The following RANBP2 variants were observed in gnomAD, a reference collection of about 807,000 sequenced individuals.
RANBP2 encodes the protein RAN binding protein 2, also known as E3 SUMO-protein ligase RanBP2.
In RANBP2, 57 loss-of-function variants were observed where a neutral mutation model predicts 303.6. The observed-to-expected ratio is 0.19, with a 90% CI of 0.15 to 0.23. The LOEUF (loss-of-function observed/expected upper bound fraction) is 0.23. Ranked by LOEUF, RANBP2 falls within the 10% of genes least tolerant of loss-of-function variation. RANBP2 has a pLI of 1.00. For missense variants in RANBP2, 3,138 were observed against 3,780.8 expected, an observed-to-expected ratio of 0.83 and a Z score of 4.46; for synonymous variants, 1,167 against 1,301.5, an observed-to-expected ratio of 0.90 and a Z score of 2.23.
the RANBP2 span, among the ~76,000 whole-genome samples, chr2:109,003,416 C>A: frequency 2.1e-5 from 3 of 144,556 alleles, no homozygotes; most frequent in African/African-American, 5.0e-5. Flanking sequence ...TTTTTTTCTT[C>A]TTTTTTTTTT....
chr2:108,872,302 A>C, the RANBP2 span, among the ~76,000 whole-genome samples: 2 of 152,082 alleles, frequency 1.3e-5, no homozygotes, highest in Admixed American at 6.5e-5. Flanking sequence ...GAATACATTC[A>C]TTCCATCCCA....
the RANBP2 span, among the ~76,000 whole-genome samples, chr2:108,988,227 G>C: frequency 2.6e-5 from 4 of 152,212 alleles, no homozygotes; most frequent in Non-Finnish European, 5.9e-5. Flanking sequence ...CTCGCCTGCT[G>C]ACCTCCCTGC....
At chr2:109,472,558 C>T in the RANBP2 span, among the ~76,000 whole-genome samples, 79 of 152,288 alleles carry the variant, frequency 5.2e-4, no homozygotes, top group South Asian at 0.015. Context: ...ATTGATGAAC[C>T]GACCTGCGGC....
the RANBP2 span, among the ~76,000 whole-genome samples, chr2:109,157,957 C>T: frequency 3.3e-5 from 5 of 152,246 alleles, no homozygotes; most frequent in African/African-American, 7.2e-5. Flanking sequence ...TGTTTAGTGA[C>T]GAGGGAGTAC....
chr2:109,430,680 G>A, the RANBP2 span, among the ~76,000 whole-genome samples: 6 of 152,180 alleles, frequency 3.9e-5, no homozygotes, highest in African/African-American at 9.7e-5. Context: ...TTTCCTCTAT[G>A]GTGATGGGAA....
At chr2:109,662,090 T>C in the RANBP2 span, among the ~76,000 whole-genome samples, 1 of 152,162 alleles carries the variant, frequency 6.6e-6, no homozygotes, top group Admixed American at 6.5e-5. Context: ...CAAACACCCA[T>C]TTCTGCCACA....
the RANBP2 span, chr2:109,615,822 G>A: frequency 1.9e-6 from 3 of 1,614,134 alleles, no homozygotes; most frequent in South Asian, 3.3e-5. Flanking sequence ...TCACCACTCG[G>A]CTGAGGGGTG....
the RANBP2 span, among the ~76,000 whole-genome samples, chr2:109,590,742 T>C: frequency 5.3e-5 from 8 of 152,268 alleles, no homozygotes; most frequent in South Asian, 2.1e-4. Context: ...AGGTAAATCC[T>C]TAACAGGGCC....
At chr2:108,929,593 G>C in the RANBP2 span, among the ~76,000 whole-genome samples, 1 of 152,190 alleles carries the variant, frequency 6.6e-6, no homozygotes, top group Non-Finnish European at 1.5e-5. Flanking sequence ...GGCTCCAGAT[G>C]CTGCCCCTTT....
the RANBP2 span, chr2:108,906,308 C>G: frequency 2.5e-6 from 4 of 1,613,740 alleles, no homozygotes; most frequent in Non-Finnish European, 3.4e-6. Flanking sequence ...TTCAGCTTAC[C>G]TTCCACGACT....
the RANBP2 span, among the ~76,000 whole-genome samples, chr2:109,207,036 G>A: frequency 6.6e-6 from 1 of 152,172 alleles, no homozygotes. Flanking sequence ...CAGGGCCTGA[G>A]GCAGAACCTG....
At chr2:109,194,033 G>T in the RANBP2 span, among the ~76,000 whole-genome samples, 32 of 152,102 alleles carry the variant, frequency 2.1e-4, no homozygotes, top group Non-Finnish European at 3.2e-4. Context: ...AGAACAGTCT[G>T]TTCTGCCTGT....
chr2:108,836,125 T>C, the RANBP2 span, among the ~76,000 whole-genome samples: 3 of 152,210 alleles, frequency 2.0e-5, no homozygotes, highest in African/African-American at 7.2e-5. Flanking sequence ...TTTTGAGGAA[T>C]ATATTCAAAC....
At chr2:108,924,564 A>G in the RANBP2 span, among the ~76,000 whole-genome samples, 1 of 152,294 alleles carries the variant, frequency 6.6e-6, no homozygotes. Flanking sequence ...TTTATTAGCC[A>G]GGCCCCATGG....
At position 108,730,860 on chromosome 2, in the gene RANBP2, C is replaced by T. The variant is rs1259024977; in HGVS notation, c.227C>T (p.Thr76Ile). ...CTTCTTTATGAATTGGAAGAAAACA[C>T]AGACAAAGCCGTTGAATGTTACAGG... ...LGLLYELEENTDKAVECYRRS... is the reference protein window; with the variant it reads ...LGLLYELEENIDKAVECYRRS... The change falls in exon 3 of 29, where the codon ACA becomes ATA. Residue 76 changes from threonine (T) to isoleucine (I), a missense_variant. Transcript: ENST00000283195. 6.2e-7 allele frequency: 1 copy of T among 1,611,658 alleles called. No homozygotes were observed. Among genetic ancestry groups the T allele is most frequent in the Non-Finnish European group, 8.5e-7 (1 of 1,179,668 alleles).
At chr2:108,763,124 T>G (rs1676854429) in intron 19 of RANBP2, 113 bp from the exon 20 acceptor site, 300 of 1,206,356 alleles carry the variant, frequency 2.5e-4, no homozygotes, top group Middle Eastern at 5.0e-4. Context: ...CATCCCCTAA[T>G]GAGATCTTCT....
the RANBP2 span, among the ~76,000 whole-genome samples, chr2:109,575,229 A>G: frequency 7.9e-5 from 12 of 152,350 alleles, no homozygotes; most frequent in East Asian, 2.1e-3. Flanking sequence ...AGGGGCTGGC[A>G]GCAGTCTAAT....
chr2:108,988,457 C>T, the RANBP2 span, among the ~76,000 whole-genome samples: 40 of 152,270 alleles, frequency 2.6e-4, no homozygotes, highest in Admixed American at 1.8e-3. Context: ...CCCGCTCCCC[C>T]GCCACCAACA....
the RANBP2 span, among the ~76,000 whole-genome samples, chr2:109,248,783 GTCTTTC>G: frequency 1.3e-4 from 19 of 140,910 alleles, no homozygotes; most frequent in Admixed American, 7.2e-5. Flanking sequence ...TCTTCTTTCT[GTCTTTC>G]TCTTTCTGTC....
Sources: allele counts gnomAD v4.1 joint callset (sites outside exome capture counted in the v4.1 genomes callset), GRCh38; gene constraint gnomAD v4.1.1; transcripts MANE v1.5; gene names NCBI Gene and HGNC (gene_info 2026-07-23, HGNC 2026-07-21).